The following DNAJC13 variants were observed in gnomAD, a reference collection of about 807,000 sequenced individuals.
The protein encoded by DNAJC13 is dnaJ homolog subfamily C member 13.
In DNAJC13, 75 loss-of-function variants were observed where a neutral mutation model predicts 290.5. The observed-to-expected ratio is 0.26, with a 90% confidence interval of 0.21 to 0.31. The LOEUF is 0.31. Among genes scored for constraint, DNAJC13 ranks in the 10% least tolerant of loss-of-function variants. The pLI, the probability that DNAJC13 is intolerant of heterozygous loss-of-function variation, is 1.00. For synonymous variants in DNAJC13, 862 were observed against 892.0 expected, an observed-to-expected ratio of 0.97 and a Z score of 0.60; for missense variants, 2,260 against 2,674.5, an observed-to-expected ratio of 0.85 and a Z score of 3.42.
rs1173504438 is a variant in DNAJC13, at chr3:132,486,136, C to A, written c.3267+1464C>A. 1.2e-4 allele frequency among the ~76,000 whole-genome samples: 10 copies of A among 80,090 alleles called. No homozygotes were observed. In the Admixed American group the frequency reaches 1.7e-3, roughly 14 times the overall value. The allele number at this position is 80,090 out of a possible 152,430, so 52.5% of individuals were successfully genotyped here. On this transcript the variant is annotated intron_variant, in intron 29 of 55. Transcript: ENST00000260818. ...CCAATTTCTGTTATTTAAGCATACT[C>A]ACATTTTAACATTTCTTTGCTTTTC...
chr3:132,491,971 C>T (rs1336366804), intron 32 of DNAJC13, among the ~76,000 whole-genome samples: 2 of 152,100 alleles, frequency 1.3e-5, no homozygotes, highest in Non-Finnish European at 2.9e-5. Flanking sequence ...ATATAAGGCC[C>T]CATCTAAAAG....
At chr3:132,480,295 GA>G in intron 25 of DNAJC13, 73 bp from the exon 26 acceptor site, 5 of 943,950 alleles carry the variant, frequency 5.3e-6, no homozygotes, top group Non-Finnish European at 8.2e-6. Flanking sequence ...TACCTATTGG[GA>G]AAGGTACTAT....
chr3:132,494,804 A>G (rs1935179475), intron 34 of DNAJC13, among the ~76,000 whole-genome samples: 1 of 152,150 alleles, frequency 6.6e-6, no homozygotes, highest in African/African-American at 2.4e-5. Context: ...CATTTTGACA[A>G]GTTAGTGGAT....
intron 18 of DNAJC13, 78 bp from the exon 19 acceptor site, chr3:132,466,221 A>G (rs1933975677): frequency 6.8e-7 from 1 of 1,480,700 alleles, no homozygotes; most frequent in African/African-American, 1.4e-5. Context: ...TAGCTAAGCC[A>G]CAGTATTAAT....
intron 41 of DNAJC13, among the ~76,000 whole-genome samples, chr3:132,504,042 A>T (rs1457858156): frequency 1.3e-5 from 2 of 151,594 alleles, no homozygotes; most frequent in East Asian, 1.9e-4. Flanking sequence ...TATTTTTGGT[A>T]TAACAAAATA....
At position 132,531,063 on chromosome 3, in the gene DNAJC13, C is replaced by T. The variant is rs1238721085; in HGVS notation, c.6591C>T (p.Phe2197=). The T allele has an allele frequency of 1.9e-6, 3 of 1,613,906 alleles. No homozygotes were observed. The highest frequency in any genetic ancestry group is 4.5e-5 in the East Asian group (2 of 44,878). ...TCAAAGATCAGAAACATGATTTGTT[C>T]ATTTCTGAGTCACAAACAGCAGGAT... ...SAFKDQKHDL[F]ISESQTAGYL... is the part of the protein sequence containing the mutation. Residue 2197 remains phenylalanine (F), a synonymous_variant, in exon 55 of 56, where the codon TTC becomes TTT. Coordinates refer to ENST00000260818, the MANE Select transcript of DNAJC13 (RefSeq NM_015268.4).
At chr3:132,485,878 G>A (rs1934853701) in intron 29 of DNAJC13, among the ~76,000 whole-genome samples, 1 of 152,058 alleles carries the variant, frequency 6.6e-6, no homozygotes, top group Non-Finnish European at 1.5e-5. Context: ...AATAAGTCAG[G>A]TCCTAGACAT....
intron 25 of DNAJC13, 117 bp downstream of exon 25, chr3:132,479,406 A>G (rs911712006): frequency 2.4e-5 from 17 of 707,464 alleles, no homozygotes; most frequent in Non-Finnish European, 3.8e-5. Context: ...TCCTTTTTAG[A>G]CAGAAAGTTC....
At chr3:132,518,153 C>T (rs1385813500) in intron 48 of DNAJC13, among the ~76,000 whole-genome samples, 1 of 152,194 alleles carries the variant, frequency 6.6e-6, no homozygotes, top group East Asian at 1.9e-4. Flanking sequence ...TGGCGTGCTG[C>T]ACCCATTAAC....
At chr3:132,430,387 C>T (rs1939209084) in intron 1 of DNAJC13, among the ~76,000 whole-genome samples, 1 of 151,796 alleles carries the variant, frequency 6.6e-6, no homozygotes, top group South Asian at 2.1e-4. Flanking sequence ...TCTTATTCCC[C>T]CCTATGGGTT....
At chr3:132,520,951 GGTTA>G (rs1392483242) in intron 48 of DNAJC13, among the ~76,000 whole-genome samples, 1 of 152,106 alleles carries the variant, frequency 6.6e-6, no homozygotes, top group African/African-American at 2.4e-5. Context: ...TTTTAAAATA[GGTTA>G]GTTATTAGGA....
intron 20 of DNAJC13, among the ~76,000 whole-genome samples, chr3:132,470,598 G>A (rs1382693628): frequency 1.4e-5 from 2 of 141,042 alleles, no homozygotes; most frequent in African/African-American, 2.7e-5. Context: ...CGGACGGGGC[G>A]GCTGGCCGGG....
chr3:132,448,673 G>A (rs186977205), intron 5 of DNAJC13, among the ~76,000 whole-genome samples: 2 of 152,246 alleles, frequency 1.3e-5, no homozygotes, highest in African/African-American at 4.8e-5. Flanking sequence ...ACTGAATTCT[G>A]ATATGCGGGC....
intron 21 of DNAJC13, among the ~76,000 whole-genome samples, chr3:132,474,081 A>G (rs1000972557): frequency 5.9e-5 from 9 of 152,228 alleles, no homozygotes; most frequent in Non-Finnish European, 1.2e-4. Flanking sequence ...ATGCTCAGTC[A>G]TAGCTTGGCA....
chr3:132,419,112 AAC>A lies in DNAJC13; in HGVS notation c.-14+1357_-14+1358del, dbSNP rs1938882352. Among the ~76,000 whole-genome samples the A allele has an allele frequency of 2.0e-5, 3 of 152,248 alleles. No homozygotes were observed. The South Asian group carries it at 6.2e-4, about 31-fold the overall frequency. On this transcript the variant is annotated intron_variant, in intron 1 of 55. Transcript: ENST00000260818. ...TGTTAGTATCACAATGCATTCAGGC[AAC>A]ACACGTCCTTGTGTAGAAATTATTA...
intron 43 of DNAJC13, among the ~76,000 whole-genome samples, chr3:132,509,291 A>C (rs1390973992): frequency 6.6e-6 from 1 of 152,210 alleles, no homozygotes; most frequent in African/African-American, 2.4e-5. Flanking sequence ...ATTCCAGTGG[A>C]GGAAGTCACT....
chr3:132,526,633 T>G (rs1381171166), intron 53 of DNAJC13, among the ~76,000 whole-genome samples: 1 of 152,230 alleles, frequency 6.6e-6, no homozygotes, highest in Non-Finnish European at 1.5e-5. Flanking sequence ...TTAGCTTGAT[T>G]TGTAAAATGT....
At chr3:132,494,368 T>C in intron 34 of DNAJC13, 109 bp downstream of exon 34, 1 of 833,108 alleles carries the variant, frequency 1.2e-6, no homozygotes, top group South Asian at 1.5e-5. Flanking sequence ...GCCTATACTT[T>C]GATATATACA....
chr3:132,417,597 G>GCCGCGGCGGCACCAGGAAC lies in DNAJC13; in HGVS notation c.-169_-151dup, dbSNP rs1938825744. 6.6e-6 allele frequency: 1 copy of GCCGCGGCGGCACCAGGAAC among 152,590 alleles called. No homozygotes were observed. The highest frequency in any genetic ancestry group is 6.5e-5 in the Admixed American group (1 of 15,284). 9.5% of individuals were successfully genotyped at this position (152,590 alleles called of 1,614,324 possible). Reference sequence around the variant, plus strand: ...GAGGCGGAGGGGGCGGGGAGGCAGCGCCGCGGCGGCACCAGGAACCCGCGG... The same window carrying GCCGCGGCGGCACCAGGAAC: ...GAGGCGGAGGGGGCGGGGAGGCAGCGCCGCGGCGGCACCAGGAACCCGCGGCGGCACCAGGAACCCGCGG... On this transcript the variant is annotated 5_prime_UTR_variant, in exon 1 of 56. Coordinates refer to ENST00000260818, the MANE Select transcript of DNAJC13 (RefSeq NM_015268.4).
Sources: gnomAD v4.1 joint callset for allele counts (sites outside exome capture counted in the v4.1 genomes callset) on GRCh38, gnomAD v4.1.1 for gene constraint, MANE v1.5 for transcripts, NCBI Gene and HGNC (gene_info 2026-07-23, HGNC 2026-07-21) for gene names.